Variants in ERC2 observed in about 807,000 individuals in gnomAD.
ERC2 encodes the protein ERC protein 2.
In ERC2, 42 loss-of-function variants were observed where a neutral mutation model predicts 114.8. The ratio of observed to expected loss-of-function variants is 0.37; its 90% CI spans 0.29 to 0.47. The LOEUF is 0.47. ERC2 is among the 20% of genes least tolerant of loss of function. The pLI, the probability that ERC2 is intolerant of heterozygous loss-of-function variation, is 0.99. For synonymous variants in ERC2, 454 were observed against 425.5 expected, an observed-to-expected ratio of 1.07 and a Z score of -0.82; for missense variants, 939 against 1,150.7, an observed-to-expected ratio of 0.82 and a Z score of 2.66.
chr3:56,457,768 G>C (rs2063129152), intron 1 of ERC2, among the ~76,000 whole-genome samples: 1 of 152,092 alleles, frequency 6.6e-6, no homozygotes, highest in African/African-American at 2.4e-5. Flanking sequence ...TTTGGACCTA[G>C]TGCATGCTAT....
chr3:56,219,844 C>T lies in ERC2; in HGVS notation c.1075-46324G>A, dbSNP rs1296214477. On this transcript the variant is annotated intron_variant, in intron 3 of 17. Transcript: ENST00000288221. ...AAGACTGATTTCCAGGTTCAAACCA[C>T]AACTTTACTCCTGATAAGTTTGGGC... Among the ~76,000 whole-genome samples, 4 of 152,142 alleles carry T rather than the reference C, an allele frequency of 2.6e-5. No individual in the cohort carries two copies. In the East Asian group the frequency reaches 7.7e-4, roughly 29 times the overall value.
intron 17 of ERC2, among the ~76,000 whole-genome samples, chr3:55,621,602 G>C (rs908467751): frequency 2.0e-5 from 3 of 152,148 alleles, no homozygotes; most frequent in African/African-American, 7.2e-5. Context: ...CAGACACCTT[G>C]ATAATTATAA....
chr3:56,189,310 A>G (rs141439010), intron 3 of ERC2, among the ~76,000 whole-genome samples: 1 of 152,218 alleles, frequency 6.6e-6, no homozygotes, highest in African/African-American at 2.4e-5. Flanking sequence ...AGGTCATTCA[A>G]CTGTTCTTGA....
intron 13 of ERC2, among the ~76,000 whole-genome samples, chr3:55,891,159 G>A (rs565609961): frequency 7.9e-5 from 12 of 152,266 alleles, no homozygotes; most frequent in African/African-American, 2.9e-4. Flanking sequence ...AATTGGGTGT[G>A]GCTTTGGCCA....
chr3:55,784,504 T>C (rs368616308), intron 14 of ERC2, among the ~76,000 whole-genome samples: 75 of 152,302 alleles, frequency 4.9e-4, no homozygotes, highest in East Asian at 2.1e-3. Flanking sequence ...CCTTGTGACG[T>C]TGAAATTCTT....
intron 16 of ERC2, among the ~76,000 whole-genome samples, chr3:55,685,399 GTTTA>G (rs1216048976): frequency 1.3e-5 from 2 of 152,152 alleles, no homozygotes; most frequent in Admixed American, 6.5e-5. Flanking sequence ...AATTATCTGT[GTTTA>G]TTTATTATTA....
chr3:56,328,698 A>G (rs892912935), intron 2 of ERC2, among the ~76,000 whole-genome samples: 5 of 152,174 alleles, frequency 3.3e-5, no homozygotes, highest in African/African-American at 1.2e-4. Context: ...TTATTATATA[A>G]TTATTGTTCT....
intron 3 of ERC2, among the ~76,000 whole-genome samples, chr3:56,203,148 A>G (rs1273682094): frequency 1.3e-5 from 2 of 152,226 alleles, no homozygotes; most frequent in Non-Finnish European, 2.9e-5. Context: ...CTGAAACATA[A>G]ACCTCTTAGG....
At chr3:56,061,550 A>C (rs540667683) in intron 7 of ERC2, among the ~76,000 whole-genome samples, 1 of 152,340 alleles carries the variant, frequency 6.6e-6, no homozygotes, top group African/African-American at 2.4e-5. Context: ...TGAATTATTC[A>C]AAGAAAAAAA....
chr3:55,812,206 A>G (rs961110620), intron 14 of ERC2, among the ~76,000 whole-genome samples: 1 of 152,202 alleles, frequency 6.6e-6, no homozygotes, highest in Non-Finnish European at 1.5e-5. Flanking sequence ...GGGCCATGCC[A>G]TTCTTGTTTA....
chr3:56,189,987 G>A (rs913900522), intron 3 of ERC2, among the ~76,000 whole-genome samples: 10 of 152,218 alleles, frequency 6.6e-5, no homozygotes, highest in African/African-American at 2.2e-4. Context: ...TGGCATTAGT[G>A]AGTTTTATAG....
intron 2 of ERC2, among the ~76,000 whole-genome samples, chr3:56,401,893 A>G (rs891367949): frequency 1.3e-5 from 2 of 152,204 alleles, no homozygotes; most frequent in Admixed American, 1.3e-4. Flanking sequence ...TTATAAAGGA[A>G]AGAGGTTTAA....
rs146549604 is a variant in ERC2, at chr3:56,104,314, C to T, written c.1474-23330G>A. Among the ~76,000 whole-genome samples, 1,191 of 152,358 alleles carry T rather than the reference C, an allele frequency of 7.8e-3. 12 individuals carry two copies. Among genetic ancestry groups the T allele is most frequent in the Non-Finnish European group, 0.012 (830 of 68,040 alleles). On this transcript the variant is annotated intron_variant, in intron 6 of 17. Coordinates refer to ENST00000288221, the MANE Select transcript of ERC2 (RefSeq NM_015576.3). ...ATTCATCGCAACTCTCTTCAAGACC[C>T]TCACTTTGCTGTGTACAACAACCCT...
At chr3:55,515,046 A>G (rs1041863206) in intron 17 of ERC2, among the ~76,000 whole-genome samples, 6 of 152,228 alleles carry the variant, frequency 3.9e-5, no homozygotes, top group African/African-American at 1.4e-4. Context: ...AGAAACAAAT[A>G]GACACACAGA....
At chr3:55,972,626 A>G (rs572824792) in intron 12 of ERC2, among the ~76,000 whole-genome samples, 3 of 152,322 alleles carry the variant, frequency 2.0e-5, no homozygotes, top group African/African-American at 7.2e-5. Flanking sequence ...TTATGGCTGC[A>G]TAGTATTCCA....
chr3:55,870,597 A>G (rs1260740787), intron 14 of ERC2, among the ~76,000 whole-genome samples: 1 of 152,102 alleles, frequency 6.6e-6, no homozygotes, highest in Non-Finnish European at 1.5e-5. Flanking sequence ...TAGGGCCAAG[A>G]TTCAAATCCA....
At chr3:55,694,586 C>T (rs1310849803) in intron 16 of ERC2, among the ~76,000 whole-genome samples, 1 of 152,232 alleles carries the variant, frequency 6.6e-6, no homozygotes, top group Non-Finnish European at 1.5e-5. Context: ...AGCTCTCCAA[C>T]ACCTATGAGC....
intron 3 of ERC2, among the ~76,000 whole-genome samples, chr3:56,224,398 AG>A (rs1287872234): frequency 1.3e-5 from 2 of 152,218 alleles, no homozygotes; most frequent in Non-Finnish European, 2.9e-5. Context: ...AAAAATGACC[AG>A]GAGTTCAAGC....
At chr3:56,376,521 T>C (rs577451703) in intron 2 of ERC2, among the ~76,000 whole-genome samples, 62 of 151,780 alleles carry the variant, frequency 4.1e-4, no homozygotes, top group Admixed American at 4.0e-3. Flanking sequence ...TCCTAGCACT[T>C]TGGGAGGCCG....
Sources: gnomAD v4.1 joint callset for allele counts (sites outside exome capture counted in the v4.1 genomes callset) on GRCh38, gnomAD v4.1.1 for gene constraint, MANE v1.5 for transcripts, NCBI Gene and HGNC (gene_info 2026-07-23, HGNC 2026-07-21) for gene names.